Variants in FXR2 observed in about 807,000 individuals in gnomAD.
The protein encoded by FXR2 is RNA-binding protein FXR2.
FXR2 carries 9 observed loss-of-function variants against 87.3 expected under a neutral mutation model. That is an observed-to-expected ratio of 0.10 (90% CI 0.06 to 0.18). FXR2 has a LOEUF of 0.18. FXR2 is among the 10% of genes least tolerant of loss of function. FXR2 has a pLI of 1.00. For synonymous variants in FXR2, 331 were observed against 328.3 expected (o/e 1.01, Z -0.09); for missense variants, 661 against 893.6 (o/e 0.74, Z 3.32).
At position 7,606,165 on chromosome 17, in the gene FXR2, G is replaced by GA; in HGVS notation, c.82-17dup. 3 of 1,510,556 alleles carry GA rather than the reference G, an allele frequency of 2.0e-6. No homozygotes were observed. The highest frequency in any genetic ancestry group is 2.7e-6 in the Non-Finnish European group (3 of 1,113,748). The allele number at this position is 1,510,556 out of a possible 1,614,324, so 93.6% of individuals were successfully genotyped here. A position where few individuals can be genotyped will look rare whatever the true frequency, so the allele number is the denominator to read the frequency against. ...TCACAAAGCCCTAGAATGGATTTTAGAAAAAAGCAAAAAAAATAAAATGAC... is the reference window on the plus strand; with the variant it reads ...TCACAAAGCCCTAGAATGGATTTTAGAAAAAAAGCAAAAAAAATAAAATGAC... On this transcript the variant is annotated splice_polypyrimidine_tract_variant and intron_variant, in intron 1 of 16. Coordinates refer to ENST00000250113, the MANE Select transcript of FXR2 (RefSeq NM_004860.4).
Position 7,598,324 on chromosome 17 carries a change from A to G in FXR2, c.661-2330T>C, listed in dbSNP as rs547133694. On this transcript the variant is annotated intron_variant, in intron 7 of 16. Coordinates refer to ENST00000250113, the MANE Select transcript of FXR2 (RefSeq NM_004860.4). ...AAAAAAATCAGCCGGGCGTGGTGGC[A>G]GGCGCCTGTAGTCCCAGCTTCTCGT... is the stretch of plus-strand genomic sequence containing the variant. Among the ~76,000 whole-genome samples the G allele has an allele frequency of 2.0e-4, 31 of 152,218 alleles. No homozygotes were observed. The South Asian group carries it at 2.7e-3, about 13-fold the overall frequency.
At chr17:7,599,174 C>G (rs1438931262) in intron 7 of FXR2, among the ~76,000 whole-genome samples, 1 of 151,660 alleles carries the variant, frequency 6.6e-6, no homozygotes, top group Admixed American at 6.6e-5. Context: ...GTGGCATGCA[C>G]CTGTAATCCC....
Position 7,594,098 on chromosome 17 carries a change from G to T in FXR2, c.1021-94C>A. The T allele has an allele frequency of 1.1e-6, 1 of 941,716 alleles. No individual in the cohort carries two copies. The highest frequency in any genetic ancestry group is 1.7e-6 in the Non-Finnish European group (1 of 575,430). The allele number at this position is 941,716 out of a possible 1,614,324, so 58.3% of individuals were successfully genotyped here. On this transcript the variant is annotated intron_variant, in intron 10 of 16. Coordinates refer to ENST00000250113, the MANE Select transcript of FXR2 (RefSeq NM_004860.4). The surrounding 1 kb of genome is among the most constrained non-coding windows in gnomAD (Gnocchi z 5.1). ...TCTCCTAGGGGAGCCTGCCCAGTGG[G>T]ATCATTCTGGGCTCTAAATCTACTA...
At position 7,595,478 on chromosome 17, in the gene FXR2, G is replaced by A. The variant is rs899788310; in HGVS notation, c.831+346C>T. 6.8e-6 allele frequency among the ~76,000 whole-genome samples: 1 copy of A among 147,810 alleles called. No individual in the cohort carries two copies. Among genetic ancestry groups the A allele is most frequent in the African/African-American group, 2.5e-5 (1 of 40,508 alleles). ...ACGTTTTTTGGTTTTTGGTTTTTTTGGGGGGTAAAGACAGGGTCTCTCTAT... is the reference window on the plus strand; with the variant it reads ...ACGTTTTTTGGTTTTTGGTTTTTTTAGGGGGTAAAGACAGGGTCTCTCTAT... On this transcript the variant is annotated intron_variant, in intron 8 of 16. Transcript: ENST00000250113. This position sits in a 1 kb window ranked among gnomAD's most constrained non-coding sequence, Gnocchi z 4.7.
At chr17:7,609,877 T>C (rs1290339454) in intron 1 of FXR2, among the ~76,000 whole-genome samples, 1 of 149,080 alleles carries the variant, frequency 6.7e-6, no homozygotes, top group Non-Finnish European at 1.5e-5. Flanking sequence ...TATATATATG[T>C]ATACATATAC....
At position 7,593,553 on chromosome 17, in the gene FXR2, G is replaced by A. The variant is rs772570947; in HGVS notation, c.1180C>T (p.Pro394Ser). Residue 394 changes from proline (P) to serine (S), a missense_variant, in exon 12 of 17, where the codon CCT becomes TCT. Transcript: ENST00000250113. The surrounding 1 kb of genome is among the most constrained non-coding windows in gnomAD (Gnocchi z 6.1). ...CCGCTGCCCCGCCCACTCCCAGGAGGGCGAAAGCCCAGCCCAATCTGCCGA... is the reference window on the plus strand; with the variant it reads ...CCGCTGCCCCGCCCACTCCCAGGAGAGCGAAAGCCCAGCCCAATCTGCCGA... ...QLRQIGLGFR[P>S]PGSGRGSGGS... is the part of the protein sequence containing the mutation. 1 of 1,596,482 alleles carries A rather than the reference G, an allele frequency of 6.3e-7. No homozygotes were observed. The highest frequency in any genetic ancestry group is 8.5e-7 in the Non-Finnish European group (1 of 1,173,054).
In FXR2 at chr17:7,609,314, T is replaced by G. The variant is rs2071830169; in HGVS notation, c.82-3165A>C. On this transcript the variant is annotated intron_variant, in intron 1 of 16. Transcript: ENST00000250113. ...TTACCAGATTGCTATTTCCTTACGATGGGAAAATCTAAGCCTGCATTTCAC... is the reference window on the plus strand; with the variant it reads ...TTACCAGATTGCTATTTCCTTACGAGGGGAAAATCTAAGCCTGCATTTCAC... Among the ~76,000 whole-genome samples the G allele has an allele frequency of 1.3e-5, 2 of 152,246 alleles. 1 individual carries two copies. Among genetic ancestry groups the G allele is most frequent in the Admixed American group, 1.3e-4 (2 of 15,282 alleles).
chr17:7,612,912 C>T (rs938365697), intron 1 of FXR2, among the ~76,000 whole-genome samples: 4 of 143,598 alleles, frequency 2.8e-5, no homozygotes, highest in African/African-American at 1.0e-4. Context: ...AGGAGAATGG[C>T]GCGAACCAGG....
intron 1 of FXR2, among the ~76,000 whole-genome samples, chr17:7,609,128 A>G (rs561431020): frequency 4.5e-4 from 68 of 152,312 alleles, no homozygotes; most frequent in Non-Finnish European, 6.6e-4. Context: ...AAAATAAATA[A>G]ACAAAAATAA....
At position 7,592,060 on chromosome 17, in the gene FXR2, G is replaced by C; in HGVS notation, c.1927-135C>G. The C allele has an allele frequency of 7.1e-7, 1 of 1,402,108 alleles. No homozygotes were observed. 86.9% of individuals were successfully genotyped at this position (1,402,108 alleles called of 1,614,324 possible). ...GTTGGTTCCCTGATCTCATGATCCA[G>C]TCTCTCTTACTTGGGATCCAGAAAA... On this transcript the variant is annotated intron_variant, in intron 16 of 16. Coordinates refer to ENST00000250113, the MANE Select transcript of FXR2 (RefSeq NM_004860.4). This position sits in a 1 kb window ranked among gnomAD's most constrained non-coding sequence, Gnocchi z 4.8.
chr17:7,600,405 G>A (rs960789188), intron 7 of FXR2, among the ~76,000 whole-genome samples: 5 of 151,424 alleles, frequency 3.3e-5, no homozygotes, highest in Non-Finnish European at 5.9e-5. Context: ...CACCAGTCTC[G>A]ACTCCCAACC....
chr17:7,605,850 G>C lies in FXR2; in HGVS notation c.135-112C>G, dbSNP rs1252112488. On this transcript the variant is annotated intron_variant, in intron 2 of 16. Transcript: ENST00000250113. ...CGAGTTCCACCTATCTGGATAATTAGAGGCTAAACCCCAGGCCCTGCTCCA... is the reference window on the plus strand; with the variant it reads ...CGAGTTCCACCTATCTGGATAATTACAGGCTAAACCCCAGGCCCTGCTCCA... The C allele has an allele frequency of 2.4e-5, 17 of 721,798 alleles. No individual in the cohort carries two copies. The Admixed American group carries it at 3.6e-4, about 15-fold the overall frequency. 44.7% of individuals were successfully genotyped at this position (721,798 alleles called of 1,614,324 possible).
In FXR2 at chr17:7,593,203, A is replaced by T; in HGVS notation, c.1331-22T>A. ...GGGCCTGAAGAACACAATGGGATTT[A>T]TTCACGGCCATTCATCCCACCTCAG... On this transcript the variant is annotated intron_variant, in intron 12 of 16. Transcript: ENST00000250113. This position sits in a 1 kb window ranked among gnomAD's most constrained non-coding sequence, Gnocchi z 6.1. 6.8e-7 allele frequency: 1 copy of T among 1,479,790 alleles called. No individual in the cohort carries two copies. Among genetic ancestry groups the T allele is most frequent in the Non-Finnish European group, 9.0e-7 (1 of 1,106,372 alleles). 91.7% of individuals were successfully genotyped at this position (1,479,790 alleles called of 1,614,324 possible).
rs763355759 is a variant in FXR2 at position 7,592,561 on chromosome 17, G to A, written c.1768C>T (p.Arg590Cys). The A allele has an allele frequency of 5.0e-6, 8 of 1,613,918 alleles. No individual in the cohort carries two copies. The highest frequency in any genetic ancestry group is 5.9e-6 in the Non-Finnish European group (7 of 1,179,872). Reference sequence around the variant, plus strand: ...GTCCGATTACCACGGTTACGGCGGCGGCGGCTGCGATTACGACGTTGAGGT... The same window carrying A: ...GTCCGATTACCACGGTTACGGCGGCAGCGGCTGCGATTACGACGTTGAGGT... The part of the protein sequence containing the change: ...SRPQRRNRSR[R>C]RRNRGNRTDG... Residue 590 changes from arginine (R) to cysteine (C), a missense_variant, in exon 15 of 17, where the codon CGC becomes TGC. Arg to Cys is a radical substitution (Grantham distance 180). Coordinates refer to ENST00000250113, the MANE Select transcript of FXR2 (RefSeq NM_004860.4). The surrounding 1 kb of genome is among the most constrained non-coding windows in gnomAD (Gnocchi z 4.8).
At position 7,594,380 on chromosome 17, in the gene FXR2, A is replaced by G; in HGVS notation, c.911-33T>C. On this transcript the variant is annotated intron_variant, in intron 9 of 16. Transcript: ENST00000250113. This position sits in a 1 kb window ranked among gnomAD's most constrained non-coding sequence, Gnocchi z 5.1. Reference sequence around the variant, plus strand: ...AGGTAAATGAGGAATTCAGCCTTTTATTTTTTTTAAGGAAATAAGAATAAA... The same window carrying G: ...AGGTAAATGAGGAATTCAGCCTTTTGTTTTTTTTAAGGAAATAAGAATAAA... 7.4e-7 allele frequency: 1 copy of G among 1,356,470 alleles called. No homozygotes were observed. The allele number at this position is 1,356,470 out of a possible 1,614,324, so 84.0% of individuals were successfully genotyped here. A position where few individuals can be genotyped will look rare whatever the true frequency, so the allele number is the denominator to read the frequency against.
At chr17:7,604,445 C>A (rs1010224753) in intron 3 of FXR2, among the ~76,000 whole-genome samples, 1 of 152,004 alleles carries the variant, frequency 6.6e-6, no homozygotes, top group African/African-American at 2.4e-5. Context: ...CCCATAATCC[C>A]AGGACTTTGG....
At chr17:7,602,384 T>C (rs1258305767) in intron 6 of FXR2, among the ~76,000 whole-genome samples, 1 of 151,988 alleles carries the variant, frequency 6.6e-6, no homozygotes, top group East Asian at 1.9e-4. Flanking sequence ...GCCAACATGG[T>C]GAAACCCTGT....
At position 7,592,849 on chromosome 17, in the gene FXR2, G is replaced by C; in HGVS notation, c.1574C>G (p.Ser525Cys). The C allele has an allele frequency of 6.2e-7, 1 of 1,609,496 alleles. No homozygotes were observed. Among genetic ancestry groups the C allele is most frequent in the Non-Finnish European group, 8.5e-7 (1 of 1,177,696 alleles). ...DSNPYSLLDT[S>C]EPEPPVDSEP... The stretch of plus-strand genomic sequence containing the variant: ...TGAATCAACCGGGGGCTCTGGTTCA[G>C]ACGTGTCCAATAGGCTGTAGGGATT... Residue 525 changes from serine to cysteine, a missense_variant, in exon 14 of 17, where the codon TCT (serine) becomes TGT (cysteine). This residue lies in a region of FXR2 where 409 missense variants were observed against 432.0 expected (regional missense o/e 0.95). Transcript: ENST00000250113. This position sits in a 1 kb window ranked among gnomAD's most constrained non-coding sequence, Gnocchi z 4.8.
At chr17:7,596,123 C>T (rs879445064) in intron 7 of FXR2, 129 bp from the exon 8 acceptor site, 21 of 718,478 alleles carry the variant, frequency 2.9e-5, no homozygotes, top group Admixed American at 4.8e-5. Flanking sequence ...CTCTGGAGTC[C>T]GCGGACCACG....
Sources: gnomAD v4.1 joint callset for allele counts (sites outside exome capture counted in the v4.1 genomes callset) on GRCh38, gnomAD v4.1.1 for gene constraint, gnomAD v4.1.1 regional missense constraint, Gnocchi (gnomAD v3.1) non-coding constraint, MANE v1.5 for transcripts, NCBI Gene and HGNC (gene_info 2026-07-23, HGNC 2026-07-21) for gene names.